Variants in RABGAP1L observed in about 807,000 individuals in gnomAD.
The protein encoded by RABGAP1L is rab GTPase-activating protein 1-like.
RABGAP1L carries 63 observed loss-of-function variants against 137.7 expected under a neutral mutation model. That is an observed-to-expected ratio of 0.46 (90% CI 0.37 to 0.56). RABGAP1L has a LOEUF of 0.56. Among genes scored for constraint, RABGAP1L ranks in the 20% least tolerant of loss-of-function variants. The pLI is 0.00. For missense variants in RABGAP1L, 1,095 were observed against 1,244.0 expected, an observed-to-expected ratio of 0.88 and a Z score of 1.80; for synonymous variants, 431 against 433.7, an observed-to-expected ratio of 0.99 and a Z score of 0.08.
At chr1:174,165,909 A>G (rs139825993) in intron 1 of RABGAP1L, among the ~76,000 whole-genome samples, 119 of 152,346 alleles carry the variant, frequency 7.8e-4, no homozygotes, top group Non-Finnish European at 1.6e-3. Context: ...AAGGCATACA[A>G]GCATAGACAG....
At chr1:174,653,091 A>T (rs1019531244) in intron 14 of RABGAP1L, among the ~76,000 whole-genome samples, 6 of 152,082 alleles carry the variant, frequency 3.9e-5, no homozygotes, top group Admixed American at 3.3e-4. Flanking sequence ...GGCTTTGTTT[A>T]CACTGTGAGG....
At chr1:174,437,640 ACTC>A (rs1653564449) in intron 13 of RABGAP1L, among the ~76,000 whole-genome samples, 1 of 152,210 alleles carries the variant, frequency 6.6e-6, no homozygotes, top group Non-Finnish European at 1.5e-5. Context: ...GTTGGAAAAC[ACTC>A]TGCAGGATAT....
At chr1:174,530,416 C>T (rs543927552) in intron 13 of RABGAP1L, among the ~76,000 whole-genome samples, 2 of 152,224 alleles carry the variant, frequency 1.3e-5, no homozygotes, top group Non-Finnish European at 2.9e-5. Flanking sequence ...TAGGACCCAG[C>T]ATGAGCTCTT....
At chr1:174,352,107 C>T (rs1021808811) in intron 11 of RABGAP1L, among the ~76,000 whole-genome samples, 2 of 152,126 alleles carry the variant, frequency 1.3e-5, no homozygotes, top group African/African-American at 4.8e-5. Context: ...CACGCCCGGC[C>T]GGGAAGTACT....
intron 19 of RABGAP1L, among the ~76,000 whole-genome samples, chr1:174,923,894 A>G (rs916184096): frequency 2.8e-4 from 42 of 151,800 alleles, no homozygotes; most frequent in Non-Finnish European, 5.3e-4. Flanking sequence ...AAAAAAAAAA[A>G]AGAAAAAAGA....
chr1:174,807,407 A>G (rs1754355), intron 18 of RABGAP1L, among the ~76,000 whole-genome samples: 63,906 of 152,094 alleles, frequency 0.42, 15,735 homozygotes, highest in Non-Finnish European at 0.54. Context: ...GAAACATCCA[A>G]ATCTTTGCAG....
At chr1:174,644,926 T>C (rs1399670042) in intron 14 of RABGAP1L, among the ~76,000 whole-genome samples, 1 of 152,128 alleles carries the variant, frequency 6.6e-6, no homozygotes, top group Non-Finnish European at 1.5e-5. Context: ...ATCTCCCTTA[T>C]AAAGGTAGTC....
At chr1:174,965,689 G>A (rs1283351513) in intron 20 of RABGAP1L, among the ~76,000 whole-genome samples, 1 of 152,200 alleles carries the variant, frequency 6.6e-6, no homozygotes. Flanking sequence ...TTTGGAGGAT[G>A]ATACTGCATT....
chr1:174,164,963 C>T (rs1313088888), intron 1 of RABGAP1L, among the ~76,000 whole-genome samples: 1 of 152,162 alleles, frequency 6.6e-6, no homozygotes, highest in Non-Finnish European at 1.5e-5. Context: ...TCTTTCCTAA[C>T]CTCACTTAGT....
At chr1:174,765,923 C>T (rs190739311) in intron 18 of RABGAP1L, among the ~76,000 whole-genome samples, 2 of 152,170 alleles carry the variant, frequency 1.3e-5, no homozygotes, top group Admixed American at 1.3e-4. Flanking sequence ...ATGGCTGAAT[C>T]GTGTTTCCCC....
At chr1:174,360,080 A>C (rs1235724494) in intron 11 of RABGAP1L, among the ~76,000 whole-genome samples, 2 of 152,156 alleles carry the variant, frequency 1.3e-5, no homozygotes. Context: ...CTCCTCTGCT[A>C]ATCTAGGTTT....
At chr1:174,882,343 C>T (rs889240275) in intron 19 of RABGAP1L, among the ~76,000 whole-genome samples, 1 of 152,118 alleles carries the variant, frequency 6.6e-6, no homozygotes, top group East Asian at 1.9e-4. Context: ...CAGTGGTTCT[C>T]AGGTGTGGAT....
intron 14 of RABGAP1L, among the ~76,000 whole-genome samples, chr1:174,647,675 T>G (rs1675092503): frequency 6.6e-6 from 1 of 152,122 alleles, no homozygotes. Context: ...TTTCTTTTTT[T>G]GTTGTGTCTC....
chr1:174,500,450 A>G (rs1228419403), intron 13 of RABGAP1L, among the ~76,000 whole-genome samples: 4 of 152,108 alleles, frequency 2.6e-5, no homozygotes, highest in Admixed American at 2.0e-4. Flanking sequence ...TCATTCATTT[A>G]AAGTGTGAGG....
At chr1:174,502,007 T>G (rs1190262396) in intron 13 of RABGAP1L, among the ~76,000 whole-genome samples, 2 of 151,560 alleles carry the variant, frequency 1.3e-5, no homozygotes, top group African/African-American at 2.4e-5. Flanking sequence ...ACTATTATCT[T>G]TGGAAACTCT....
At chr1:174,922,382 G>T in intron 19 of RABGAP1L, 2 of 191,682 alleles carry the variant, frequency 1.0e-5, no homozygotes, top group South Asian at 2.1e-4. Flanking sequence ...GCAGCAAATA[G>T]ACAGCATGTG....
intron 11 of RABGAP1L, among the ~76,000 whole-genome samples, chr1:174,336,725 C>T (rs1231829904): frequency 6.6e-6 from 1 of 152,056 alleles, no homozygotes; most frequent in Non-Finnish European, 1.5e-5. Flanking sequence ...CTCATTTAAT[C>T]CTCTTATCAA....
rs1446813925 is a variant in RABGAP1L at position 174,392,744 on chromosome 1, A to G, written c.1560-1251A>G. On this transcript the variant is annotated intron_variant, in intron 12 of 25. Coordinates refer to ENST00000681986, the MANE Select transcript of RABGAP1L (RefSeq NM_001366446.1). ...TTGAGCTAGAGGTAGAAGAGTGTGT[A>G]TAATCTAGTGAAGCAGGTGGGAGGC... 2.0e-5 allele frequency among the ~76,000 whole-genome samples: 3 copies of G among 152,310 alleles called. 1 individual carries two copies. The highest frequency in any genetic ancestry group is 4.4e-5 in the Non-Finnish European group (3 of 68,014).
intron 19 of RABGAP1L, among the ~76,000 whole-genome samples, chr1:174,830,128 G>A (rs16847539): frequency 0.018 from 2,721 of 147,966 alleles, 236 homozygotes; most frequent in African/African-American, 0.064. Context: ...TGTGATCCAT[G>A]TTCTCAAGAA....
Sources: gnomAD v4.1 joint callset for allele counts (sites outside exome capture counted in the v4.1 genomes callset) on GRCh38, gnomAD v4.1.1 for gene constraint, MANE v1.5 for transcripts, NCBI Gene and HGNC (gene_info 2026-07-23, HGNC 2026-07-21) for gene names.